The following ASTN2 variants were observed in gnomAD, a reference collection of about 807,000 sequenced individuals.
The protein encoded by ASTN2 is astrotactin-2.
ASTN2 carries 54 observed loss-of-function variants against 139.8 expected under a neutral mutation model. The observed-to-expected ratio is 0.39, with a 90% CI of 0.31 to 0.48. The LOEUF is 0.48. Among genes scored for constraint, ASTN2 ranks in the 20% least tolerant of loss-of-function variants. The probability of loss-of-function intolerance (pLI) is 0.95; values close to 1 mark genes in which losing one functional copy is unlikely to be tolerated. For synonymous variants in ASTN2, 756 were observed against 719.5 expected, an observed-to-expected ratio of 1.05 and a Z score of -0.81; for missense variants, 1,565 against 1,725.1, an observed-to-expected ratio of 0.91 and a Z score of 1.64.
chr9:116,866,987 C>G (rs1021487197), intron 10 of ASTN2, among the ~76,000 whole-genome samples: 3 of 150,256 alleles, frequency 2.0e-5, no homozygotes, highest in Non-Finnish European at 4.4e-5. Flanking sequence ...AAAGAAGAGA[C>G]ACAGAGAGGC....
chr9:116,719,759 A>C (rs1021648208), intron 16 of ASTN2, among the ~76,000 whole-genome samples: 1 of 152,156 alleles, frequency 6.6e-6, no homozygotes, highest in African/African-American at 2.4e-5. Context: ...AAGAGGATGA[A>C]CCTGCAGAGG....
At chr9:117,107,726 G>A (rs1240912761) in intron 4 of ASTN2, among the ~76,000 whole-genome samples, 2 of 152,142 alleles carry the variant, frequency 1.3e-5, no homozygotes. Context: ...ATTGGCAGCT[G>A]ACTTACACTC....
intron 19 of ASTN2, among the ~76,000 whole-genome samples, chr9:116,578,388 TCTCA>T (rs1588031725): frequency 6.6e-6 from 1 of 152,168 alleles, no homozygotes; most frequent in Non-Finnish European, 1.5e-5. Flanking sequence ...GAATTCTCTC[TCTCA>T]CTCACTCCTG....
At chr9:117,287,074 G>A (rs1270339759) in intron 2 of ASTN2, among the ~76,000 whole-genome samples, 3 of 152,072 alleles carry the variant, frequency 2.0e-5, no homozygotes, top group African/African-American at 7.2e-5. Flanking sequence ...TAGAGGCATT[G>A]GAACAATTAG....
At chr9:116,689,934 T>A (rs1382324764) in intron 16 of ASTN2, among the ~76,000 whole-genome samples, 2 of 152,012 alleles carry the variant, frequency 1.3e-5, no homozygotes, top group African/African-American at 4.8e-5. Context: ...TGAAGGAGAG[T>A]AACTACTGTT....
intron 13 of ASTN2, among the ~76,000 whole-genome samples, chr9:116,757,697 C>T (rs550375424): frequency 1.4e-4 from 21 of 152,184 alleles, no homozygotes; most frequent in Non-Finnish European, 2.4e-4. Flanking sequence ...TTAGTTGCTC[C>T]ACAGAATATT....
At chr9:117,087,784 T>C (rs2132737650) in intron 5 of ASTN2, among the ~76,000 whole-genome samples, 1 of 152,328 alleles carries the variant, frequency 6.6e-6, no homozygotes, top group Non-Finnish European at 1.5e-5. Flanking sequence ...AGAGAACAAA[T>C]GTGTCTTGCC....
chr9:116,611,828 A>T (rs886746156), intron 19 of ASTN2: 3 of 152,184 alleles, frequency 2.0e-5, no homozygotes, highest in Non-Finnish European at 2.9e-5. Flanking sequence ...AATGATTAAG[A>T]AAAAAATACT....
chr9:117,218,783 G>A (rs192791110), intron 2 of ASTN2, among the ~76,000 whole-genome samples: 40 of 152,312 alleles, frequency 2.6e-4, no homozygotes, highest in Non-Finnish European at 1.9e-4. Flanking sequence ...AAGACTGGGA[G>A]TCAGAAACAC....
intron 3 of ASTN2, among the ~76,000 whole-genome samples, chr9:117,187,039 G>GA (rs1447737230): frequency 1.4e-4 from 21 of 152,278 alleles, no homozygotes; most frequent in Non-Finnish European, 3.1e-4. Context: ...TGAGGCAGGA[G>GA]AAACTCTTGG....
chr9:117,412,977 G>A (rs1248138678), intron 1 of ASTN2, among the ~76,000 whole-genome samples: 1 of 152,128 alleles, frequency 6.6e-6, no homozygotes. Context: ...TGCTTGGTGC[G>A]TCGCACCCCA....
At chr9:117,048,545 G>T (rs1380778805) in intron 5 of ASTN2, among the ~76,000 whole-genome samples, 5 of 152,170 alleles carry the variant, frequency 3.3e-5, no homozygotes, top group Admixed American at 2.6e-4. Flanking sequence ...ACATGGAATG[G>T]GGCTACAAAC....
intron 16 of ASTN2, among the ~76,000 whole-genome samples, chr9:116,713,178 G>C (rs1828217924): frequency 6.6e-6 from 1 of 152,080 alleles, no homozygotes; most frequent in Non-Finnish European, 1.5e-5. Context: ...ATCTATATTT[G>C]TTAAATTAAG....
intron 2 of ASTN2, among the ~76,000 whole-genome samples, chr9:117,217,261 G>C (rs936623941): frequency 2.6e-5 from 4 of 152,164 alleles, no homozygotes; most frequent in Admixed American, 2.6e-4. Flanking sequence ...TGCCCCTGGG[G>C]GAATCTCCTT....
intron 5 of ASTN2, among the ~76,000 whole-genome samples, chr9:117,090,772 C>T (rs1017543481): frequency 6.6e-6 from 1 of 152,208 alleles, no homozygotes; most frequent in African/African-American, 2.4e-5. Context: ...AAGGTGAGGT[C>T]AGGACTCACA....
chr9:117,323,286 C>T (rs1828394829), intron 1 of ASTN2, among the ~76,000 whole-genome samples: 1 of 152,072 alleles, frequency 6.6e-6, no homozygotes, highest in South Asian at 2.1e-4. Flanking sequence ...ACCTCTGACC[C>T]CCCAAAGCCT....
At chr9:116,951,337 CAAAAAAAAAAA>C (rs386416039) in intron 10 of ASTN2, among the ~76,000 whole-genome samples, 4 of 34,062 alleles carry the variant, frequency 1.2e-4, no homozygotes, top group South Asian at 2.4e-3. Context: ...AACTCTGTCT[CAAAAAAAAAAA>C]AAAAAAAAAA....
In ASTN2 at chr9:117,096,690, G is replaced by A. The variant is rs10983518; in HGVS notation, c.1169-539C>T. Among the ~76,000 whole-genome samples the A allele has an allele frequency of 3.9e-4, 59 of 152,224 alleles. 1 individual carries two copies. The South Asian group carries it at 0.011, about 28-fold the overall frequency. On this transcript the variant is annotated intron_variant, in intron 4 of 22. Transcript: ENST00000313400. ...GCAGGACAAATGGAATCCTAAGGAAGCTTAAACCTAATTCATGGCTTCTGT... is the reference window on the plus strand; with the variant it reads ...GCAGGACAAATGGAATCCTAAGGAAACTTAAACCTAATTCATGGCTTCTGT...
At chr9:117,386,693 C>G (rs1830408753) in intron 1 of ASTN2, among the ~76,000 whole-genome samples, 1 of 152,100 alleles carries the variant, frequency 6.6e-6, no homozygotes, top group Non-Finnish European at 1.5e-5. Context: ...GAATGCCTCC[C>G]TCTCTGAGGG....
Sources: gnomAD v4.1 joint callset for allele counts (sites outside exome capture counted in the v4.1 genomes callset) on GRCh38, gnomAD v4.1.1 for gene constraint, MANE v1.5 for transcripts, NCBI Gene and HGNC (gene_info 2026-07-23, HGNC 2026-07-21) for gene names.